ZDHHC17: variants seen among roughly 807,000 people sequenced by gnomAD.
The protein encoded by ZDHHC17 is zDHHC palmitoyltransferase 17, also known as palmitoyltransferase ZDHHC17.
ZDHHC17 carries 40 observed loss-of-function variants against 90.3 expected under a neutral mutation model. The observed-to-expected ratio is 0.44, with a 90% CI of 0.34 to 0.58. The LOEUF is 0.58. Among genes scored for constraint, ZDHHC17 ranks in the 20% least tolerant of loss-of-function variants. The pLI is 0.01. For missense variants in ZDHHC17, 614 were observed against 780.8 expected (o/e 0.79, Z 2.55); for synonymous variants, 235 against 252.4 (o/e 0.93, Z 0.65).
At chr12:76,830,964 AT>A (rs1472248153) in intron 10 of ZDHHC17, among the ~76,000 whole-genome samples, 1 of 152,204 alleles carries the variant, frequency 6.6e-6, no homozygotes, top group African/African-American at 2.4e-5. Flanking sequence ...AGAGAGGCAA[AT>A]TTTGAAGGAA....
chr12:76,836,618 A>G (rs1422439275), intron 10 of ZDHHC17, among the ~76,000 whole-genome samples: 2 of 152,056 alleles, frequency 1.3e-5, no homozygotes, highest in African/African-American at 2.4e-5. Flanking sequence ...GATATTTTCT[A>G]TTAGAAACAT....
chr12:76,825,488 A>T (rs190058461), intron 8 of ZDHHC17, among the ~76,000 whole-genome samples: 1 of 152,212 alleles, frequency 6.6e-6, no homozygotes, highest in African/African-American at 2.4e-5. Context: ...TCTCCTGAGT[A>T]GTAAATCTTC....
rs1214780492 is a variant in ZDHHC17, at chr12:76,853,308, C to T, written c.*2323C>T. The T allele has an allele frequency of 6.6e-6, 1 of 152,572 alleles. No homozygotes were observed. Among genetic ancestry groups the T allele is most frequent in the African/African-American group, 2.4e-5 (1 of 41,442 alleles). The allele number at this position is 152,572 out of a possible 1,614,324, so 9.5% of individuals were successfully genotyped here. ...TTGTAGGTCCTGTGTGTGGAACCAA[C>T]TATAAACCCAGTTCTAAAGTTGTGT... On this transcript the variant is annotated 3_prime_UTR_variant, in exon 17 of 17. Coordinates refer to ENST00000426126, the MANE Select transcript of ZDHHC17 (RefSeq NM_015336.4).
intron 7 of ZDHHC17, among the ~76,000 whole-genome samples, chr12:76,819,749 C>T (rs957035030): frequency 6.6e-6 from 1 of 152,290 alleles, no homozygotes; most frequent in Non-Finnish European, 1.5e-5. Flanking sequence ...GTAATCCCAG[C>T]ACTTTGGGAG....
intron 1 of ZDHHC17, among the ~76,000 whole-genome samples, chr12:76,774,411 G>A (rs1021587552): frequency 6.6e-6 from 1 of 152,046 alleles, no homozygotes; most frequent in Non-Finnish European, 1.5e-5. Context: ...AACCCTAGGT[G>A]TAGATAAGGA....
intron 12 of ZDHHC17, among the ~76,000 whole-genome samples, chr12:76,843,665 A>T (rs1953461825): frequency 6.6e-6 from 1 of 152,088 alleles, no homozygotes; most frequent in Non-Finnish European, 1.5e-5. Context: ...TATAATTAGT[A>T]TTTGTGAAAA....
intron 2 of ZDHHC17, among the ~76,000 whole-genome samples, chr12:76,802,548 T>C (rs1294846390): frequency 6.6e-6 from 1 of 152,226 alleles, no homozygotes. Context: ...TCCTGGAACT[T>C]CCACAATGTG....
intron 9 of ZDHHC17, among the ~76,000 whole-genome samples, chr12:76,827,707 A>T (rs554744921): frequency 1.2e-4 from 19 of 152,054 alleles, no homozygotes; most frequent in Non-Finnish European, 2.4e-4. Flanking sequence ...TCACACAGAG[A>T]TGAGAATGAC....
intron 16 of ZDHHC17, 167 bp downstream of exon 16, chr12:76,849,637 T>G (rs1013082249): frequency 2.0e-6 from 1 of 491,410 alleles, no homozygotes. Flanking sequence ...TTCATCACAT[T>G]AACTGTATAT....
chr12:76,814,547 A>G (rs1375596917), intron 5 of ZDHHC17, among the ~76,000 whole-genome samples: 2 of 151,934 alleles, frequency 1.3e-5, no homozygotes, highest in Non-Finnish European at 2.9e-5. Flanking sequence ...GAAACTGAAA[A>G]ATCAAGAAGT....
At chr12:76,822,970 ATAT>A (rs1419146582) in intron 8 of ZDHHC17, among the ~76,000 whole-genome samples, 1 of 152,254 alleles carries the variant, frequency 6.6e-6, no homozygotes, top group Non-Finnish European at 1.5e-5. Flanking sequence ...AATTTTTAAA[ATAT>A]TATTATACTC....
chr12:76,787,406 A>G (rs903649890), intron 1 of ZDHHC17, among the ~76,000 whole-genome samples: 2 of 152,220 alleles, frequency 1.3e-5, no homozygotes, highest in Admixed American at 6.5e-5. Context: ...ATTTTTATCC[A>G]TATACAGTGT....
At chr12:76,816,431 T>C (rs10778935) in intron 7 of ZDHHC17, among the ~76,000 whole-genome samples, 62,915 of 151,874 alleles carry the variant, frequency 0.41, 13,313 homozygotes, top group East Asian at 0.65. Context: ...TCTTTTCATT[T>C]TTAAAGCCTC....
chr12:76,806,444 G>A (rs1015191710), intron 3 of ZDHHC17, among the ~76,000 whole-genome samples: 1 of 151,982 alleles, frequency 6.6e-6, no homozygotes, highest in East Asian at 1.9e-4. Flanking sequence ...AGTAAATGAC[G>A]TATAGAGTGA....
At chr12:76,771,472 T>C (rs1393206365) in intron 1 of ZDHHC17, among the ~76,000 whole-genome samples, 1 of 152,206 alleles carries the variant, frequency 6.6e-6, no homozygotes, top group Non-Finnish European at 1.5e-5. Context: ...TCTTTCTGAT[T>C]ATCGGTGATA....
At chr12:76,824,237 A>G (rs1303823183) in intron 8 of ZDHHC17, among the ~76,000 whole-genome samples, 1 of 152,154 alleles carries the variant, frequency 6.6e-6, no homozygotes, top group Non-Finnish European at 1.5e-5. Context: ...TTAAAAGTTT[A>G]GTGCAATTTT....
chr12:76,844,882 T>G (rs1953475588), intron 12 of ZDHHC17: 1 of 152,176 alleles, frequency 6.6e-6, no homozygotes, highest in Non-Finnish European at 1.5e-5. Flanking sequence ...TGTCTAGCAT[T>G]AGGACTGCCA....
chr12:76,838,155 A>G (rs143588388), intron 10 of ZDHHC17, among the ~76,000 whole-genome samples: 207 of 151,818 alleles, frequency 1.4e-3, no homozygotes, highest in African/African-American at 3.8e-3. Flanking sequence ...TTAAGCTTTT[A>G]TAGGATTTAT....
chr12:76,797,679 A>C, intron 2 of ZDHHC17, 142 bp downstream of exon 2: 2 of 543,722 alleles, frequency 3.7e-6, no homozygotes, highest in Non-Finnish European at 2.9e-6. Context: ...GCGGTGGCTC[A>C]CACCTGTAAT....
Sources: gnomAD v4.1 joint callset for allele counts (sites outside exome capture counted in the v4.1 genomes callset) on GRCh38, gnomAD v4.1.1 for gene constraint, MANE v1.5 for transcripts, NCBI Gene and HGNC (gene_info 2026-07-23, HGNC 2026-07-21) for gene names.